SKIC2: variants seen among roughly 807,000 people sequenced by gnomAD.
The protein encoded by SKIC2 is superkiller complex protein 2.
At chr6:31,961,908 G>C in the SKIC2 span, 1 of 1,613,068 alleles carries the variant, frequency 6.2e-7, no homozygotes, top group South Asian at 1.1e-5. Flanking sequence ...CTCTCCCATA[G>C]TGGGCATTTG....
At chr6:31,966,759 C>T in the SKIC2 span, 2 of 1,614,152 alleles carry the variant, frequency 1.2e-6, no homozygotes, top group African/African-American at 2.7e-5. This position sits in a 1 kb window ranked among gnomAD's most constrained non-coding sequence, Gnocchi z 5.9. Flanking sequence ...ACACTATGAT[C>T]CTCAACTTGC....
At chr6:31,965,816 G>C in the SKIC2 span, 2 of 1,612,488 alleles carry the variant, frequency 1.2e-6, no homozygotes, top group Non-Finnish European at 8.5e-7. The surrounding 1 kb of genome is among the most constrained non-coding windows in gnomAD (Gnocchi z 5.6). Context: ...TGCCATGGGA[G>C]TAAACATGCC....
chr6:31,967,636 C>T, the SKIC2 span: 7 of 1,519,874 alleles, frequency 4.6e-6, no homozygotes, highest in East Asian at 1.6e-4. The surrounding 1 kb of genome is among the most constrained non-coding windows in gnomAD (Gnocchi z 4.9). Context: ...TGATTCCTGC[C>T]CAAGGGTGGG....
the SKIC2 span, chr6:31,960,556 G>T: frequency 6.3e-7 from 1 of 1,598,254 alleles, no homozygotes. Flanking sequence ...GGTGACTCTT[G>T]TGGAGATGGG....
At chr6:31,960,852 T>C in the SKIC2 span, 5 of 945,118 alleles carry the variant, frequency 5.3e-6, no homozygotes, top group Non-Finnish European at 8.2e-6. Flanking sequence ...ATTCTGTCCA[T>C]AACAACCTTT....
At chr6:31,959,332 C>G in the SKIC2 span, 1 of 1,613,972 alleles carries the variant, frequency 6.2e-7, no homozygotes, top group Non-Finnish European at 8.5e-7. Flanking sequence ...CCTACCCCTT[C>G]GGGCCGTGGA....
At chr6:31,961,910 G>A in the SKIC2 span, 1 of 1,612,862 alleles carries the variant, frequency 6.2e-7, no homozygotes, top group Non-Finnish European at 8.5e-7. Flanking sequence ...CTCCCATAGT[G>A]GGCATTTGAG....
At chr6:31,960,469 CCTT>C in the SKIC2 span, 2 of 1,614,054 alleles carry the variant, frequency 1.2e-6, no homozygotes, top group Non-Finnish European at 1.7e-6. Flanking sequence ...GCTACAACCT[CCTT>C]GTCTCTTCGC....
chr6:31,969,696 C>T, the SKIC2 span: 1 of 1,599,600 alleles, frequency 6.3e-7, no homozygotes. The surrounding 1 kb of genome is among the most constrained non-coding windows in gnomAD (Gnocchi z 6.1). Flanking sequence ...GTATTTGCGG[C>T]CAGCCTCTAC....
At chr6:31,960,370 G>T in the SKIC2 span, 1 of 1,597,472 alleles carries the variant, frequency 6.3e-7, no homozygotes, top group Admixed American at 1.7e-5. Flanking sequence ...AAACAGTTGG[G>T]GAGAAGGGGA....
the SKIC2 span, chr6:31,960,718 G>C: frequency 6.4e-7 from 1 of 1,572,012 alleles, no homozygotes; most frequent in African/African-American, 1.4e-5. Context: ...AGGAGGCTGA[G>C]GAGGAGATAG....
the SKIC2 span, chr6:31,962,832 C>T: frequency 6.6e-7 from 1 of 1,512,270 alleles, no homozygotes; most frequent in Non-Finnish European, 9.2e-7. The surrounding 1 kb of genome is among the most constrained non-coding windows in gnomAD (Gnocchi z 5.0). Context: ...ACCCGGCAGT[C>T]CTCTCCTTTG....
the SKIC2 span, chr6:31,967,688 T>A: frequency 6.2e-7 from 1 of 1,611,252 alleles, no homozygotes; most frequent in Non-Finnish European, 8.5e-7. This position sits in a 1 kb window ranked among gnomAD's most constrained non-coding sequence, Gnocchi z 4.9. Context: ...CACACCCCCC[T>A]CTCCTGGCCT....
the SKIC2 span, chr6:31,967,171 TAGG>T: frequency 1.2e-6 from 2 of 1,607,202 alleles, no homozygotes; most frequent in Non-Finnish European, 1.7e-6. The surrounding 1 kb of genome is among the most constrained non-coding windows in gnomAD (Gnocchi z 4.9). Flanking sequence ...GAGGAGGTGA[TAGG>T]AGAAGGGAAG....
chr6:31,966,099 T>G, the SKIC2 span: 1 of 927,446 alleles, frequency 1.1e-6, no homozygotes, highest in African/African-American at 1.7e-5. The surrounding 1 kb of genome is among the most constrained non-coding windows in gnomAD (Gnocchi z 5.9). Context: ...CTTTTTCTTC[T>G]TCCTTTTTTT....
the SKIC2 span, chr6:31,966,986 C>T: frequency 6.2e-7 from 1 of 1,612,938 alleles, no homozygotes; most frequent in Non-Finnish European, 8.5e-7. This position sits in a 1 kb window ranked among gnomAD's most constrained non-coding sequence, Gnocchi z 5.9. Context: ...TTCACAGCTT[C>T]CCCTGCTCCC....
chr6:31,967,413 G>C, the SKIC2 span: 1 of 1,510,428 alleles, frequency 6.6e-7, no homozygotes, highest in Non-Finnish European at 9.2e-7. The surrounding 1 kb of genome is among the most constrained non-coding windows in gnomAD (Gnocchi z 4.9). Context: ...CAGAGGGTGG[G>C]AGGGAGCAAG....
the SKIC2 span, chr6:31,963,998 G>T: frequency 1.2e-6 from 2 of 1,612,270 alleles, no homozygotes; most frequent in African/African-American, 1.3e-5. The surrounding 1 kb of genome is among the most constrained non-coding windows in gnomAD (Gnocchi z 5.3). Context: ...TCCCGGGGCC[G>T]CTGTGATGAG....
the SKIC2 span, chr6:31,963,226 T>C: frequency 8.8e-6 from 7 of 794,980 alleles, no homozygotes; most frequent in East Asian, 1.8e-4. This position sits in a 1 kb window ranked among gnomAD's most constrained non-coding sequence, Gnocchi z 5.3. Flanking sequence ...TCCCACCTGG[T>C]GGCTGTGGGA....
Sources: gnomAD v4.1 joint callset for allele counts on GRCh38, gnomAD v4.1.1 for gene constraint, Gnocchi (gnomAD v3.1) non-coding constraint, MANE v1.5 for transcripts, NCBI Gene and HGNC (gene_info 2026-07-23, HGNC 2026-07-21) for gene names.